HMGXB4: variants seen among roughly 807,000 people sequenced by gnomAD.
HMGXB4 encodes HMG domain-containing protein 4.
A neutral mutation model predicts 63.9 loss-of-function variants in HMGXB4; 27 were observed. The ratio of observed to expected loss-of-function variants is 0.42; its 90% confidence interval spans 0.31 to 0.58. HMGXB4 has a LOEUF of 0.58. HMGXB4 is among the 20% of genes least tolerant of loss of function. The pLI, the probability that HMGXB4 is intolerant of heterozygous loss-of-function variation, is 0.13. For missense variants in HMGXB4, 624 were observed against 700.7 expected (o/e 0.89, Z 1.24); for synonymous variants, 264 against 265.3 (o/e 0.99, Z 0.05).
rs551004884 is a variant in HMGXB4 at position 35,289,229 on chromosome 22, C to G, written c.1638+822C>G. ...ATCCCAGCAATTTGGGAGACCAAGGCAGGAGGATCGCTTGAGGCCAGGAGT... is the reference window on the plus strand; with the variant it reads ...ATCCCAGCAATTTGGGAGACCAAGGGAGGAGGATCGCTTGAGGCCAGGAGT... On this transcript the variant is annotated intron_variant, in intron 9 of 10. Coordinates refer to ENST00000216106, the MANE Select transcript of HMGXB4 (RefSeq NM_001003681.3). Among the ~76,000 whole-genome samples the G allele has an allele frequency of 2.0e-5, 3 of 152,116 alleles. No individual in the cohort carries two copies. In the South Asian group the frequency reaches 6.2e-4, roughly 32 times the overall value.
At chr22:35,281,178 T>G (rs1291486902) in intron 5 of HMGXB4, among the ~76,000 whole-genome samples, 1 of 152,246 alleles carries the variant, frequency 6.6e-6, no homozygotes, top group African/African-American at 2.4e-5. Flanking sequence ...TATCACATAT[T>G]AGAAAAGCTA....
Position 35,265,114 on chromosome 22 carries a change from G to T in HMGXB4, c.726G>T (p.Gln242His). 1 of 1,614,156 alleles carries T rather than the reference G, an allele frequency of 6.2e-7. No individual in the cohort carries two copies. The highest frequency in any genetic ancestry group is 1.1e-5 in the South Asian group (1 of 91,082). The part of the protein sequence containing the change: ...QGALLLGHEL[Q>H]SFLKTARKKH... Reference sequence around the variant, plus strand: ...CTTTACTCCTAGGACATGAGTTACAGAGCTTTCTGAAAACAGCCCGGAAAA... The same window carrying T: ...CTTTACTCCTAGGACATGAGTTACATAGCTTTCTGAAAACAGCCCGGAAAA... Residue 242 changes from glutamine (Q) to histidine (H), a missense_variant, in exon 5 of 11, where the codon CAG becomes CAT. This residue lies in a region of HMGXB4 where 472 missense variants were observed against 470.6 expected (regional missense o/e 1.00). Transcript: ENST00000216106.
At position 35,261,085 on chromosome 22, in the gene HMGXB4, T is replaced by C. The variant is rs79302230; in HGVS notation, c.-68-1238T>C. Among the ~76,000 whole-genome samples, 837 of 152,378 alleles carry C rather than the reference T, an allele frequency of 5.5e-3. 10 individuals carry two copies. Among genetic ancestry groups the C allele is most frequent in the African/African-American group, 0.019 (783 of 41,590 alleles). ...ATGAGAACATTTCCAAAATATTTAATATGTAATTTTAAAATTCCTGAAGGA... is the reference window on the plus strand; with the variant it reads ...ATGAGAACATTTCCAAAATATTTAACATGTAATTTTAAAATTCCTGAAGGA... On this transcript the variant is annotated intron_variant, in intron 1 of 10. Coordinates refer to ENST00000216106, the MANE Select transcript of HMGXB4 (RefSeq NM_001003681.3).
the HMGXB4 span, among the ~76,000 whole-genome samples, chr22:35,244,933 C>T: frequency 3.4e-3 from 514 of 152,296 alleles, 4 homozygotes; most frequent in Middle Eastern, 0.017. Flanking sequence ...TGTTCAAGTA[C>T]AGTTTCTTTA....
the HMGXB4 span, among the ~76,000 whole-genome samples, chr22:35,252,169 C>T: frequency 9.9e-5 from 15 of 152,262 alleles, no homozygotes; most frequent in Admixed American, 2.6e-4. Context: ...AAGCTGAGAT[C>T]GTGTCAGTGC....
chr22:35,267,540 C>G (rs1045453409), intron 5 of HMGXB4, among the ~76,000 whole-genome samples: 6 of 152,278 alleles, frequency 3.9e-5, no homozygotes, highest in Non-Finnish European at 7.3e-5. Flanking sequence ...CTGAACTCTA[C>G]TTGTGCAATT....
intron 6 of HMGXB4, among the ~76,000 whole-genome samples, chr22:35,284,664 G>A (rs1178770933): frequency 6.6e-6 from 1 of 152,158 alleles, no homozygotes. Flanking sequence ...GGCTGTATGG[G>A]TACTAGAAGT....
chr22:35,258,642 C>T (rs1534877), intron 1 of HMGXB4: 77,014 of 152,206 alleles, frequency 0.51, 22,629 homozygotes, highest in Non-Finnish European at 0.65. Context: ...GATTCGGAGT[C>T]ACCGTGTTCG....
chr22:35,259,314 C>G (rs1413873464), intron 1 of HMGXB4, among the ~76,000 whole-genome samples: 1 of 152,208 alleles, frequency 6.6e-6, no homozygotes, highest in African/African-American at 2.4e-5. Flanking sequence ...ATTCTTGCCT[C>G]TTGGAGTTGA....
intron 5 of HMGXB4, among the ~76,000 whole-genome samples, chr22:35,268,181 A>C (rs571083820): frequency 4.8e-4 from 73 of 152,346 alleles, no homozygotes; most frequent in African/African-American, 1.7e-3. Context: ...TCAAACCTCT[A>C]TCAAGATACA....
intron 1 of HMGXB4, among the ~76,000 whole-genome samples, chr22:35,259,987 AG>A (rs1405153963): frequency 6.6e-6 from 1 of 152,228 alleles, no homozygotes; most frequent in African/African-American, 2.4e-5. Flanking sequence ...AGTTTTTTAA[AG>A]CAGCCAGTAA....
intron 5 of HMGXB4, among the ~76,000 whole-genome samples, chr22:35,268,258 A>G (rs1175556812): frequency 6.6e-6 from 1 of 152,168 alleles, no homozygotes; most frequent in Non-Finnish European, 1.5e-5. Flanking sequence ...CCCAGAGCCA[A>G]CAACTGTTCT....
chr22:35,283,957 A>G lies in HMGXB4; in HGVS notation c.1216-5A>G. The G allele has an allele frequency of 6.2e-7, 1 of 1,611,318 alleles. No homozygotes were observed. The highest frequency in any genetic ancestry group is 8.5e-7 in the Non-Finnish European group (1 of 1,177,322). On this transcript the variant is annotated splice_region_variant and splice_polypyrimidine_tract_variant and intron_variant, in intron 5 of 10. Coordinates refer to ENST00000216106, the MANE Select transcript of HMGXB4 (RefSeq NM_001003681.3). Reference sequence around the variant, plus strand: ...TACCCTGTTGTATCTTCTATGCGGCATTAGCCAAAAAAGAAGAACATGTCG... The same window carrying G: ...TACCCTGTTGTATCTTCTATGCGGCGTTAGCCAAAAAAGAAGAACATGTCG...
At chr22:35,246,508 C>T in the HMGXB4 span, among the ~76,000 whole-genome samples, 2 of 152,162 alleles carry the variant, frequency 1.3e-5, no homozygotes, top group African/African-American at 2.4e-5. Context: ...GTCCTGACCT[C>T]GTGTTCCACC....
Position 35,264,715 on chromosome 22 carries a change from T to C in HMGXB4, c.327T>C (p.Ala109=), listed in dbSNP as rs1190821648. 1 of 1,613,872 alleles carries C rather than the reference T, an allele frequency of 6.2e-7. No homozygotes were observed. Among genetic ancestry groups the C allele is most frequent in the Admixed American group, 1.7e-5 (1 of 60,004 alleles). The part of the protein sequence containing the change: ...KKSSPQSTDT[A]MDLLKAITSP... ...CCAGCCCACAGTCTACTGATACAGCTATGGACCTGTTGAAAGCTATCACTT... is the reference window on the plus strand; with the variant it reads ...CCAGCCCACAGTCTACTGATACAGCCATGGACCTGTTGAAAGCTATCACTT... The change falls in exon 5 of 11, where the codon GCT becomes GCC. Residue 109 remains alanine, a synonymous_variant. Coordinates refer to ENST00000216106, the MANE Select transcript of HMGXB4 (RefSeq NM_001003681.3).
the HMGXB4 span, among the ~76,000 whole-genome samples, chr22:35,250,848 G>A: frequency 6.6e-6 from 1 of 152,170 alleles, no homozygotes; most frequent in African/African-American, 2.4e-5. Flanking sequence ...CATGGCTTGG[G>A]GCAGCCCCTC....
At chr22:35,287,525 A>G (rs1044116155) in intron 8 of HMGXB4, 73 bp downstream of exon 8, 4 of 1,045,314 alleles carry the variant, frequency 3.8e-6, no homozygotes, top group Non-Finnish European at 5.9e-6. Context: ...AAACTGGGAA[A>G]AAAGCTTGCA....
the HMGXB4 span, among the ~76,000 whole-genome samples, chr22:35,250,154 CA>C: frequency 6.6e-6 from 1 of 152,086 alleles, no homozygotes; most frequent in African/African-American, 2.4e-5. Context: ...AACCCACAGA[CA>C]AGGACCAGCT....
chr22:35,262,287 C>T (rs551508796), intron 1 of HMGXB4, 36 bp from the exon 2 acceptor site: 18 of 1,168,574 alleles, frequency 1.5e-5, no homozygotes, highest in East Asian at 4.7e-5. Context: ...TCAGTGATTT[C>T]GCATTACAGG....
Sources: allele counts gnomAD v4.1 joint callset (sites outside exome capture counted in the v4.1 genomes callset), GRCh38; gene constraint gnomAD v4.1.1; regional missense constraint gnomAD v4.1.1; transcripts MANE v1.5; gene names NCBI Gene and HGNC (gene_info 2026-07-23, HGNC 2026-07-21).